Variants in SGCD observed in about 807,000 individuals in gnomAD.
The protein encoded by SGCD is delta-sarcoglycan.
A neutral mutation model predicts 36.6 loss-of-function variants in SGCD; 18 were observed. That is an observed-to-expected ratio of 0.49 (90% CI 0.34 to 0.73). The LOEUF (loss-of-function observed/expected upper bound fraction) is 0.73, where lower values mean the gene tolerates loss of function less well. SGCD is among the 30% of genes least tolerant of loss of function. The pLI is 0.01. For synonymous variants in SGCD, 133 were observed against 130.6 expected, an observed-to-expected ratio of 1.02 and a Z score of -0.12; for missense variants, 387 against 346.7, an observed-to-expected ratio of 1.12 and a Z score of -0.92.
chr5:156,174,511 A>G (rs753273192), intron 3 of SGCD, among the ~76,000 whole-genome samples: 6 of 152,198 alleles, frequency 3.9e-5, no homozygotes, highest in Admixed American at 1.3e-4. Context: ...TCAGATTCCT[A>G]GATGAGCTTT....
chr5:155,750,902 T>A, the SGCD span, among the ~76,000 whole-genome samples: 4 of 152,194 alleles, frequency 2.6e-5, no homozygotes, highest in African/African-American at 9.6e-5. Flanking sequence ...AAATGGCCTC[T>A]GCAAGCATTT....
At chr5:156,157,243 G>C (rs1300500137) in intron 3 of SGCD, among the ~76,000 whole-genome samples, 1 of 151,738 alleles carries the variant, frequency 6.6e-6, no homozygotes, top group Non-Finnish European at 1.5e-5. Flanking sequence ...GACAGAACTG[G>C]ACTCAGTGCT....
chr5:156,309,987 G>C (rs368413903), intron 3 of SGCD, among the ~76,000 whole-genome samples: 1 of 152,044 alleles, frequency 6.6e-6, no homozygotes, highest in Non-Finnish European at 1.5e-5. Context: ...GGAAAATCTG[G>C]AAATCAGATT....
chr5:156,327,681 C>T (rs537523928), intron 1 of SGCD, among the ~76,000 whole-genome samples: 28 of 152,196 alleles, frequency 1.8e-4, no homozygotes, highest in Non-Finnish European at 3.8e-4. Context: ...GAAAATGGCT[C>T]TCATTTTAGG....
chr5:155,749,135 GTTAATA>G, the SGCD span, among the ~76,000 whole-genome samples: 1 of 152,176 alleles, frequency 6.6e-6, no homozygotes, highest in South Asian at 2.1e-4. Flanking sequence ...TACTGTCATT[GTTAATA>G]TTATTATTAT....
In SGCD at chr5:156,701,939, C is replaced by A. The variant is rs148681114; in HGVS notation, c.575+54403C>A. On this transcript the variant is annotated intron_variant, in intron 7 of 8. Transcript: ENST00000337851. ...TGCTTTTATGAGAAGATATAACACA[C>A]AAAAAATCAGATAGGTAGACTCAGA... Among the ~76,000 whole-genome samples, 27 of 152,164 alleles carry A rather than the reference C, an allele frequency of 1.8e-4. 1 individual carries two copies. In the East Asian group the frequency reaches 4.8e-3, roughly 27 times the overall value.
At chr5:155,800,330 A>G in the SGCD span, among the ~76,000 whole-genome samples, 1 of 151,906 alleles carries the variant, frequency 6.6e-6, no homozygotes, top group African/African-American at 2.4e-5. Flanking sequence ...GGTTTGGCGT[A>G]TTTTTTCCAA....
At chr5:155,974,217 C>T (rs1031309747) in intron 1 of SGCD, among the ~76,000 whole-genome samples, 2 of 152,098 alleles carry the variant, frequency 1.3e-5, no homozygotes, top group Admixed American at 1.3e-4. Flanking sequence ...AATTTTAGAG[C>T]TGAGTGACTT....
intron 3 of SGCD, among the ~76,000 whole-genome samples, chr5:156,362,822 A>G (rs1417555699): frequency 6.6e-6 from 1 of 152,160 alleles, no homozygotes; most frequent in Non-Finnish European, 1.5e-5. Flanking sequence ...AACATTGTAA[A>G]TGGACTCCAC....
chr5:156,030,290 G>T (rs1759317051), intron 1 of SGCD, among the ~76,000 whole-genome samples: 1 of 152,168 alleles, frequency 6.6e-6, no homozygotes, highest in Non-Finnish European at 1.5e-5. Flanking sequence ...GGTCTTTGCA[G>T]ATGTAATCAA....
At chr5:156,739,924 A>G (rs1756582908) in intron 7 of SGCD, 1 of 152,174 alleles carries the variant, frequency 6.6e-6, no homozygotes, top group Admixed American at 6.5e-5. Flanking sequence ...TCCATGGTAT[A>G]TAATATGGAT....
At chr5:156,184,233 C>T (rs182247594) in intron 3 of SGCD, among the ~76,000 whole-genome samples, 17 of 152,234 alleles carry the variant, frequency 1.1e-4, no homozygotes, top group African/African-American at 4.1e-4. Flanking sequence ...ATGCCTAACG[C>T]TTTCACACCA....
chr5:155,993,373 C>T (rs1758475724), intron 1 of SGCD, among the ~76,000 whole-genome samples: 1 of 136,100 alleles, frequency 7.3e-6, no homozygotes, highest in Non-Finnish European at 1.5e-5. Context: ...CAGAGCCTTG[C>T]TCTGACACCC....
At chr5:156,180,242 A>C (rs1763569675) in intron 3 of SGCD, among the ~76,000 whole-genome samples, 1 of 152,234 alleles carries the variant, frequency 6.6e-6, no homozygotes, top group African/African-American at 2.4e-5. Flanking sequence ...AATTGCTAAG[A>C]AATTACAGCA....
intron 3 of SGCD, among the ~76,000 whole-genome samples, chr5:156,460,854 C>A (rs1754456248): frequency 6.6e-6 from 1 of 152,178 alleles, no homozygotes; most frequent in South Asian, 2.1e-4. Flanking sequence ...CATTTTACTG[C>A]AGGCTTCTTG....
intron 3 of SGCD, among the ~76,000 whole-genome samples, chr5:156,459,898 T>G (rs1323210711): frequency 6.6e-6 from 1 of 152,180 alleles, no homozygotes; most frequent in Non-Finnish European, 1.5e-5. Context: ...AAAGATTTCA[T>G]GCTCATTTAC....
chr5:156,166,176 T>A (rs909986901), intron 3 of SGCD, among the ~76,000 whole-genome samples: 8 of 150,118 alleles, frequency 5.3e-5, no homozygotes, highest in African/African-American at 1.9e-4. Flanking sequence ...TCTTTTCCAA[T>A]ATATTGGTGA....
the SGCD span, among the ~76,000 whole-genome samples, chr5:155,731,260 T>C: frequency 7.1e-6 from 1 of 141,746 alleles, no homozygotes; most frequent in Non-Finnish European, 1.5e-5. Flanking sequence ...GAGGCAAGAG[T>C]GGCAGAGAGA....
chr5:156,107,178 T>C (rs954456149), intron 1 of SGCD, among the ~76,000 whole-genome samples: 1 of 152,134 alleles, frequency 6.6e-6, no homozygotes, highest in Non-Finnish European at 1.5e-5. Context: ...TAAAAGCAAA[T>C]AAAGCCGGCA....
Sources: allele counts gnomAD v4.1 joint callset (sites outside exome capture counted in the v4.1 genomes callset), GRCh38; gene constraint gnomAD v4.1.1; transcripts MANE v1.5; gene names NCBI Gene and HGNC (gene_info 2026-07-23, HGNC 2026-07-21).